LMAN1L: variants seen among roughly 807,000 people sequenced by gnomAD.
LMAN1L encodes the protein lectin, mannose binding 1 like.
Under a neutral mutation model 58.3 loss-of-function variants are expected in LMAN1L, and 60 were observed. The ratio of observed to expected loss-of-function variants is 1.03; its 90% CI spans 0.84 to 1.27. LMAN1L has a LOEUF of 1.27. LMAN1L is among the 50% of genes most tolerant of loss of function. The pLI is 0.00. For synonymous variants in LMAN1L, 280 were observed against 271.6 expected, an observed-to-expected ratio of 1.03 and a Z score of -0.31; for missense variants, 629 against 674.0, an observed-to-expected ratio of 0.93 and a Z score of 0.74.
chr15:74,813,179 C>T (rs2063873605), intron 1 of LMAN1L, 150 bp downstream of exon 1: 1 of 830,582 alleles, frequency 1.2e-6, no homozygotes, highest in African/African-American at 1.7e-5. Context: ...AGGACCCCTT[C>T]CAGGCTTGTC....
At chr15:74,816,820 G>T in intron 4 of LMAN1L, 130 bp downstream of exon 4, 1 of 879,190 alleles carries the variant, frequency 1.1e-6, no homozygotes, top group Non-Finnish European at 1.7e-6. Flanking sequence ...ATACTTGCTG[G>T]ACTCTCTCAC....
chr15:74,819,885 C>G, intron 6 of LMAN1L, 159 bp from the exon 7 acceptor site: 1 of 708,124 alleles, frequency 1.4e-6, no homozygotes, highest in East Asian at 2.6e-5. Context: ...CCTGTCAACC[C>G]TCACACCTTT....
intron 13 of LMAN1L, chr15:74,824,775 A>G (rs1486733443): frequency 6.5e-6 from 2 of 307,578 alleles, no homozygotes; most frequent in Non-Finnish European, 1.2e-5. Context: ...AGAGTGCAGG[A>G]GAACACACTT....
rs1276262826 is a variant in LMAN1L, at chr15:74,818,035, A to C, written c.498-683A>C. 3.1e-4 allele frequency among the ~76,000 whole-genome samples: 46 copies of C among 146,294 alleles called. No individual in the cohort carries two copies. In the East Asian group the frequency reaches 6.4e-3, roughly 20 times the overall value. ...CTCAGAAAAAAAAAAAAAAAGAGAGAGAGAAGAAGGAGGGACGTAAGGGTG... is the reference window on the plus strand; with the variant it reads ...CTCAGAAAAAAAAAAAAAAAGAGAGCGAGAAGAAGGAGGGACGTAAGGGTG... On this transcript the variant is annotated intron_variant, in intron 4 of 13. Coordinates refer to ENST00000309664, the MANE Select transcript of LMAN1L (RefSeq NM_021819.3).
rs762571757 is a variant in LMAN1L at position 74,822,658 on chromosome 15, G to A, written c.1148G>A (p.Gly383Asp). Residue 383 changes from glycine (G) to aspartate (D), a missense_variant, in exon 11 of 14, where the codon GGT becomes GAT. Physicochemically the swap from Gly to Asp is moderately conservative, Grantham distance 94. This residue lies in a region of LMAN1L where 573 missense variants were observed against 597.3 expected (regional missense o/e 0.96). Coordinates refer to ENST00000309664, the MANE Select transcript of LMAN1L (RefSeq NM_021819.3). Reference sequence around the variant, plus strand: ...CCTCTGCAGGACTCTGCCAAGGTCGGTGCCCTGCTCCATGGACAGTGGACT... The same window carrying A: ...CCTCTGCAGGACTCTGCCAAGGTCGATGCCCTGCTCCATGGACAGTGGACT... Reference protein sequence around the residue: ...MSLNKDSAKVGALLHGQWTLL... With the variant: ...MSLNKDSAKVDALLHGQWTLL... 6 of 1,613,940 alleles carry A rather than the reference G, an allele frequency of 3.7e-6. No individual in the cohort carries two copies. Among genetic ancestry groups the A allele is most frequent in the Middle Eastern group, 1.6e-4 (1 of 6,082 alleles).
intron 9 of LMAN1L, 118 bp from the exon 10 acceptor site, chr15:74,821,711 G>A (rs1349635670): frequency 4.3e-6 from 3 of 695,012 alleles, no homozygotes; most frequent in African/African-American, 1.8e-5. Flanking sequence ...GCTTTGCTGG[G>A]CTCTGACAGC....
chr15:74,813,094 TTGG>T (rs2063873054), intron 1 of LMAN1L, 65 bp downstream of exon 1: 1 of 1,527,440 alleles, frequency 6.5e-7, no homozygotes, highest in South Asian at 1.2e-5. Context: ...GGGCTGTGAC[TTGG>T]TGGGGAGTGG....
chr15:74,823,318 G>A (rs2063925458), intron 11 of LMAN1L, among the ~76,000 whole-genome samples: 1 of 152,182 alleles, frequency 6.6e-6, no homozygotes, highest in East Asian at 1.9e-4. Flanking sequence ...GGAATGGAAG[G>A]CAGAGCCGGG....
intron 12 of LMAN1L, 125 bp downstream of exon 12, chr15:74,823,807 G>A (rs888954654): frequency 8.8e-7 from 1 of 1,132,480 alleles, no homozygotes; most frequent in Non-Finnish European, 1.3e-6. Flanking sequence ...AGGACTGCTG[G>A]CAAGCACATC....
chr15:74,813,411 C>T (rs1052443124), intron 1 of LMAN1L: 1 of 462,008 alleles, frequency 2.2e-6, no homozygotes, highest in Non-Finnish European at 4.3e-6. Flanking sequence ...TCTCCCGGCT[C>T]CATCCCAGCG....
At chr15:74,820,003 G>A in intron 6 of LMAN1L, 41 bp from the exon 7 acceptor site, 1 of 1,581,004 alleles carries the variant, frequency 6.3e-7, no homozygotes, top group Non-Finnish European at 8.7e-7. Flanking sequence ...GGGGTTGCTG[G>A]GTGGAGGGGT....
At position 74,823,700 on chromosome 15, in the gene LMAN1L, G is replaced by A. The variant is rs991158355; in HGVS notation, c.1323+18G>A. ...GCCCGGCGGTGAGGGGAAAGTAGTG[G>A]GCAGCATGGGGTCCCCAACCTTGAC... On this transcript the variant is annotated intron_variant, in intron 12 of 13. Transcript: ENST00000309664. 9 of 1,610,228 alleles carry A rather than the reference G, an allele frequency of 5.6e-6. No individual in the cohort carries two copies. The South Asian group carries it at 7.7e-5, about 14-fold the overall frequency.
intron 4 of LMAN1L, among the ~76,000 whole-genome samples, chr15:74,818,090 G>T (rs923248145): frequency 6.6e-5 from 10 of 152,096 alleles, no homozygotes; most frequent in African/African-American, 2.4e-4. Context: ...TGGGTCGGGG[G>T]AATGGAGGGC....
At chr15:74,823,785 C>A in intron 12 of LMAN1L, 103 bp downstream of exon 12, 1 of 1,391,824 alleles carries the variant, frequency 7.2e-7, no homozygotes, top group Non-Finnish European at 9.8e-7. Context: ...CCTGCCTTTG[C>A]CCTCCCCTCC....
At chr15:74,822,144 C>G (rs1295939275) in intron 10 of LMAN1L, among the ~76,000 whole-genome samples, 1 of 149,232 alleles carries the variant, frequency 6.7e-6, no homozygotes, top group East Asian at 1.9e-4. Context: ...ATCACAAGGT[C>G]AAAAGATCGA....
chr15:74,814,794 C>T (rs1351551698), intron 1 of LMAN1L, among the ~76,000 whole-genome samples: 1 of 152,234 alleles, frequency 6.6e-6, no homozygotes, highest in East Asian at 1.9e-4. Context: ...TAGGCATGAG[C>T]CACCGCGCCC....
Position 74,816,307 on chromosome 15 carries a change from G to T in LMAN1L, c.326G>T (p.Gly109Val). ...GGACTGGGGCGCCGGGGAGCCCAGG[G>T]CATGGTGAGTGTCCTCTCCCAGAGC... ...VTGLGRRGAQ[G>V]MAVWYTRGRG... Residue 109 changes from glycine (G) to valine (V), a missense_variant, in exon 2 of 14, where the codon GGC becomes GTC. Gly to Val is a moderately radical substitution (Grantham distance 109). This residue lies in a region of LMAN1L where 573 missense variants were observed against 597.3 expected (regional missense o/e 0.96). Coordinates refer to ENST00000309664, the MANE Select transcript of LMAN1L (RefSeq NM_021819.3). The T allele has an allele frequency of 6.2e-7, 1 of 1,612,050 alleles. No homozygotes were observed. The highest frequency in any genetic ancestry group is 8.5e-7 in the Non-Finnish European group (1 of 1,179,854).
chr15:74,824,071 G>T, intron 12 of LMAN1L: 1 of 520,508 alleles, frequency 1.9e-6, no homozygotes, highest in Non-Finnish European at 3.4e-6. Flanking sequence ...TGCTCACCCT[G>T]TCTTTGGCTC....
At position 74,815,484 on chromosome 15, in the gene LMAN1L, A is replaced by G. The variant is rs969664496; in HGVS notation, c.176-673A>G. On this transcript the variant is annotated intron_variant, in intron 1 of 13. Coordinates refer to ENST00000309664, the MANE Select transcript of LMAN1L (RefSeq NM_021819.3). ...TGCAGGGCTCCTTCCTCCCCGCCCCACCACCGCCAGTGGCAATTCTCACAC... is the reference window on the plus strand; with the variant it reads ...TGCAGGGCTCCTTCCTCCCCGCCCCGCCACCGCCAGTGGCAATTCTCACAC... Among the ~76,000 whole-genome samples the G allele has an allele frequency of 2.6e-5, 4 of 151,966 alleles. 1 individual carries two copies. The South Asian group carries it at 8.3e-4, about 32-fold the overall frequency.
Sources: gnomAD v4.1 joint callset for allele counts (sites outside exome capture counted in the v4.1 genomes callset) on GRCh38, gnomAD v4.1.1 for gene constraint, gnomAD v4.1.1 regional missense constraint, MANE v1.5 for transcripts, NCBI Gene and HGNC (gene_info 2026-07-23, HGNC 2026-07-21) for gene names.